SLC17A1: variants seen among roughly 807,000 people sequenced by gnomAD.
The protein encoded by SLC17A1 is solute carrier family 17 member 1, also known as sodium-dependent phosphate transport protein 1.
In SLC17A1, 51 loss-of-function variants were observed where a neutral mutation model predicts 53.5. The ratio of observed to expected loss-of-function variants is 0.95; its 90% CI spans 0.76 to 1.20. SLC17A1 has a LOEUF of 1.20. Among genes scored for constraint, SLC17A1 ranks in the 50% most tolerant of loss-of-function variants. SLC17A1 has a pLI of 0.00. For synonymous variants in SLC17A1, 179 were observed against 198.8 expected (o/e 0.90, Z 0.84); for missense variants, 538 against 568.2 (o/e 0.95, Z 0.54).
intron 6 of SLC17A1, among the ~76,000 whole-genome samples, 193 bp from the exon 7 acceptor site, chr6:25,813,406 G>T (rs1764230598): frequency 6.6e-6 from 1 of 152,082 alleles, no homozygotes; most frequent in Non-Finnish European, 1.5e-5. Flanking sequence ...ATGGGATAAG[G>T]CCTATGCCCT....
At chr6:25,793,334 G>A (rs1763541003) in intron 12 of SLC17A1, among the ~76,000 whole-genome samples, 1 of 152,108 alleles carries the variant, frequency 6.6e-6, no homozygotes, top group African/African-American at 2.4e-5. Flanking sequence ...TATAGGTGCT[G>A]GGATAGAACA....
At chr6:25,777,843 A>G in the SLC17A1 span, 2 of 1,116,272 alleles carry the variant, frequency 1.8e-6, no homozygotes, top group Non-Finnish European at 2.7e-6. Flanking sequence ...TTGCACAGGA[A>G]TATTTGCCTC....
At chr6:25,732,724 G>C in the SLC17A1 span, 1 of 1,277,558 alleles carries the variant, frequency 7.8e-7, no homozygotes, top group Admixed American at 1.8e-5. Flanking sequence ...ACAAGCTGCT[G>C]GCCCGAGTGA....
At chr6:25,788,564 G>A (rs1028981780) in intron 12 of SLC17A1, among the ~76,000 whole-genome samples, 2 of 152,206 alleles carry the variant, frequency 1.3e-5, no homozygotes, top group African/African-American at 4.8e-5. Flanking sequence ...CAGGTGCAGA[G>A]GGTGTCTGAG....
At chr6:25,800,806 T>A in intron 11 of SLC17A1, 84 bp downstream of exon 11, 1 of 850,898 alleles carries the variant, frequency 1.2e-6, no homozygotes, top group Non-Finnish European at 1.9e-6. Flanking sequence ...CCTTCTGGCA[T>A]CTTCTCTGCA....
chr6:25,778,975 A>G, downstream of SLC17A1: 1 of 1,571,666 alleles, frequency 6.4e-7, no homozygotes, highest in Admixed American at 1.7e-5. Flanking sequence ...GAGCAGGAGG[A>G]CACAGAGCCA....
At chr6:25,726,440 G>T in the SLC17A1 span, 1 of 1,613,978 alleles carries the variant, frequency 6.2e-7, no homozygotes, top group African/African-American at 1.3e-5. Context: ...CGATGGATCC[G>T]GCCTACGGGA....
At chr6:25,733,085 T>C in the SLC17A1 span, among the ~76,000 whole-genome samples, 10 of 152,182 alleles carry the variant, frequency 6.6e-5, no homozygotes, top group Admixed American at 2.6e-4. Flanking sequence ...CTCGGTAGTA[T>C]TGACAGCAGA....
intron 12 of SLC17A1, among the ~76,000 whole-genome samples, chr6:25,794,581 C>G (rs1763566076): frequency 6.6e-6 from 1 of 152,132 alleles, no homozygotes; most frequent in South Asian, 2.1e-4. Context: ...AGAGAACTAC[C>G]TCATACCCAA....
intron 10 of SLC17A1, among the ~76,000 whole-genome samples, chr6:25,804,408 C>T (rs1763887929): frequency 6.6e-6 from 1 of 151,988 alleles, no homozygotes; most frequent in African/African-American, 2.4e-5. Flanking sequence ...AATTCTGAAA[C>T]AAAAGCTGAT....
Position 25,809,122 on chromosome 6 carries a change from T to G in SLC17A1, c.1178+2276A>C, listed in dbSNP as rs531283530. 1.2e-4 allele frequency among the ~76,000 whole-genome samples: 19 copies of G among 152,126 alleles called. No individual in the cohort carries two copies. In the South Asian group the frequency reaches 3.3e-3, roughly 27 times the overall value. On this transcript the variant is annotated intron_variant, in intron 10 of 12. Coordinates refer to ENST00000244527, the MANE Select transcript of SLC17A1 (RefSeq NM_005074.5). ...GCAACATGGATGGAAATAAAGGCCC[T>G]TGTCTTAAGTGAAACAACTCAGAAA...
intron 12 of SLC17A1, among the ~76,000 whole-genome samples, chr6:25,790,987 T>C (rs1475077942): frequency 6.6e-6 from 1 of 152,114 alleles, no homozygotes; most frequent in African/African-American, 2.4e-5. Context: ...GAAAATACAA[T>C]GAATAAAAAT....
chr6:25,749,106 C>T, the SLC17A1 span, among the ~76,000 whole-genome samples: 2 of 152,202 alleles, frequency 1.3e-5, no homozygotes, highest in Admixed American at 1.3e-4. Context: ...TCTCATCCCA[C>T]GAGGCCATAT....
At chr6:25,749,921 A>G in the SLC17A1 span, among the ~76,000 whole-genome samples, 1 of 152,228 alleles carries the variant, frequency 6.6e-6, no homozygotes, top group Non-Finnish European at 1.5e-5. Context: ...TGGTCCCAAC[A>G]TGAAGATGAT....
the SLC17A1 span, among the ~76,000 whole-genome samples, chr6:25,749,027 T>G: frequency 2.6e-5 from 4 of 152,194 alleles, no homozygotes; most frequent in Non-Finnish European, 5.9e-5. Flanking sequence ...GCAAGAGGCC[T>G]TCCTCTTTTA....
the SLC17A1 span, among the ~76,000 whole-genome samples, chr6:25,753,578 A>C: frequency 6.6e-6 from 1 of 152,166 alleles, no homozygotes; most frequent in Non-Finnish European, 1.5e-5. Context: ...AATAATGGAA[A>C]GAGATGAAGG....
At chr6:25,769,287 C>T in the SLC17A1 span, 1 of 1,137,256 alleles carries the variant, frequency 8.8e-7, no homozygotes. Context: ...TAAGTATTTA[C>T]TGAACATGTA....
At chr6:25,792,356 G>A (rs188439445) in intron 12 of SLC17A1, among the ~76,000 whole-genome samples, 176 of 152,302 alleles carry the variant, frequency 1.2e-3, no homozygotes, top group Middle Eastern at 3.4e-3. Flanking sequence ...GGCTTCACAC[G>A]GTGGCTCACG....
chr6:25,777,000 C>G, the SLC17A1 span: 1 of 1,565,750 alleles, frequency 6.4e-7, no homozygotes, highest in Non-Finnish European at 8.6e-7. Context: ...ACACTCAATT[C>G]AAGTCTAGCA....
Sources: allele counts gnomAD v4.1 joint callset (sites outside exome capture counted in the v4.1 genomes callset), GRCh38; gene constraint gnomAD v4.1.1; transcripts MANE v1.5; gene names NCBI Gene and HGNC (gene_info 2026-07-23, HGNC 2026-07-21).